Variants in RBFOX1 observed in about 807,000 individuals in gnomAD.
The protein encoded by RBFOX1 is RNA binding protein fox-1 homolog 1.
Under a neutral mutation model 57.7 loss-of-function variants are expected in RBFOX1, and 8 were observed. That is an observed-to-expected ratio of 0.14 (90% CI 0.08 to 0.25). RBFOX1 has a LOEUF of 0.25. Ranked by LOEUF, RBFOX1 falls within the 10% of genes least tolerant of loss-of-function variation. RBFOX1 has a pLI of 1.00. For missense variants in RBFOX1, 611 were observed against 548.5 expected (o/e 1.11, Z -1.14); for synonymous variants, 326 against 222.4 (o/e 1.47, Z -4.15).
chr16:7,044,139 A>G (rs1238230545), intron 3 of RBFOX1, among the ~76,000 whole-genome samples: 2 of 152,130 alleles, frequency 1.3e-5, no homozygotes, highest in African/African-American at 4.8e-5. Context: ...AGTGTCTGAC[A>G]TCCAGAAGGT....
At chr16:7,222,241 G>C (rs1603345070) in intron 4 of RBFOX1, among the ~76,000 whole-genome samples, 1 of 152,184 alleles carries the variant, frequency 6.6e-6, no homozygotes, top group South Asian at 2.1e-4. Flanking sequence ...CTTTGCTCTT[G>C]TTTACTTTAC....
intron 4 of RBFOX1, among the ~76,000 whole-genome samples, chr16:7,197,436 A>G (rs1163677139): frequency 7.8e-5 from 9 of 115,182 alleles, no homozygotes; most frequent in Non-Finnish European, 1.4e-4. Context: ...AAAACCTGTG[A>G]GTGGAAAAAA....
At chr16:6,780,445 T>C (rs1203128815) in intron 3 of RBFOX1, among the ~76,000 whole-genome samples, 3 of 113,254 alleles carry the variant, frequency 2.6e-5, no homozygotes, top group African/African-American at 1.1e-4. Flanking sequence ...GATATATTTA[T>C]ATATACATTT....
intron 3 of RBFOX1, chr16:6,704,016 C>A (rs1257576587): frequency 1.3e-5 from 2 of 152,450 alleles, no homozygotes; most frequent in East Asian, 3.9e-4. Flanking sequence ...CCTCTGACTT[C>A]TACTTCCTTG....
Position 6,273,202 on chromosome 16 carries a change from T to G in RBFOX1, c.-126-43793T>G. Reference sequence around the variant, plus strand: ...TTGAACCTGGAGGCAGAGGTTGCAGTGAGCCATGATCATGCCACTGTACTC... The same window carrying G: ...TTGAACCTGGAGGCAGAGGTTGCAGGGAGCCATGATCATGCCACTGTACTC... On this transcript the variant is annotated intron_variant, in intron 1 of 15. Coordinates refer to ENST00000550418, the MANE Select transcript of RBFOX1 (RefSeq NM_018723.4). 1.3e-5 allele frequency among the ~76,000 whole-genome samples: 2 copies of G among 151,090 alleles called. 1 individual carries two copies. Among genetic ancestry groups the G allele is most frequent in the East Asian group, 4.0e-4 (2 of 4,968 alleles).
chr16:5,561,116 A>G (rs1301240843), intron 2 of RBFOX1, among the ~76,000 whole-genome samples: 1 of 152,180 alleles, frequency 6.6e-6, no homozygotes, highest in Non-Finnish European at 1.5e-5. Context: ...CACTGTGACT[A>G]TGTCCATCCT....
chr16:5,429,460 G>C (rs919735874), intron 1 of RBFOX1, among the ~76,000 whole-genome samples: 1 of 152,166 alleles, frequency 6.6e-6, no homozygotes, highest in Admixed American at 6.6e-5. Flanking sequence ...AAATGGCAAG[G>C]CTCCTTGGTC....
chr16:6,212,953 C>A lies in RBFOX1; in HGVS notation c.-126-104042C>A, dbSNP rs1030617835. ...AGTCGTTTTACATAAAGAGGCAGAC[C>A]TGAACGGCCTTTTCCCTTAATAAGT... On this transcript the variant is annotated intron_variant, in intron 1 of 15. Coordinates refer to ENST00000550418, the MANE Select transcript of RBFOX1 (RefSeq NM_018723.4). 3.3e-5 allele frequency among the ~76,000 whole-genome samples: 5 copies of A among 152,228 alleles called. No homozygotes were observed. The South Asian group carries it at 1.0e-3, about 32-fold the overall frequency.
Position 5,747,664 on chromosome 16 carries a change from C to T in RBFOX1, c.319-119639C>T, listed in dbSNP as rs77959205. ...TCTTCTAGATTTTCTAGTTTTTTTGCGTAGAGGTGTTTATACTATTCTTTG... is the reference window on the plus strand; with the variant it reads ...TCTTCTAGATTTTCTAGTTTTTTTGTGTAGAGGTGTTTATACTATTCTTTG... On this transcript the variant is annotated intron_variant, in intron 3 of 19. Coordinates refer to the RBFOX1 transcript ENST00000641259. 7.2e-4 allele frequency among the ~76,000 whole-genome samples: 110 copies of T among 151,904 alleles called. 1 individual carries two copies. In the East Asian group the frequency reaches 0.012, roughly 17 times the overall value.
intron 1 of RBFOX1, among the ~76,000 whole-genome samples, chr16:5,388,167 A>G (rs1211634579): frequency 6.6e-6 from 1 of 152,132 alleles, no homozygotes; most frequent in Non-Finnish European, 1.5e-5. Flanking sequence ...TTAAGCCACT[A>G]ATTTGCATGA....
chr16:6,396,747 A>G (rs540306858), intron 2 of RBFOX1, among the ~76,000 whole-genome samples: 1 of 151,702 alleles, frequency 6.6e-6, no homozygotes, highest in South Asian at 2.1e-4. Context: ...GTGTGAAGAA[A>G]CAGAGAAACA....
chr16:5,681,928 A>G (rs1197358732), intron 3 of RBFOX1, among the ~76,000 whole-genome samples: 1 of 152,148 alleles, frequency 6.6e-6, no homozygotes, highest in Admixed American at 6.5e-5. Context: ...CTTGAAGACC[A>G]TTGTAAGCAG....
chr16:6,812,675 C>T (rs1049803065), intron 3 of RBFOX1, among the ~76,000 whole-genome samples: 4 of 152,168 alleles, frequency 2.6e-5, no homozygotes, highest in African/African-American at 9.7e-5. Flanking sequence ...CCACGCCTGG[C>T]CTTGGTTCAG....
chr16:5,666,561 T>C (rs1388271031), intron 3 of RBFOX1, among the ~76,000 whole-genome samples: 1 of 152,156 alleles, frequency 6.6e-6, no homozygotes, highest in South Asian at 2.1e-4. Context: ...AGATGATATA[T>C]TAAATACGTA....
chr16:7,287,742 T>C (rs1055109408), intron 4 of RBFOX1, among the ~76,000 whole-genome samples: 10 of 152,338 alleles, frequency 6.6e-5, no homozygotes, highest in Admixed American at 2.0e-4. Context: ...TAGATCTATA[T>C]GTTTAGATTT....
chr16:6,763,278 G>T (rs1332151486), intron 3 of RBFOX1, among the ~76,000 whole-genome samples: 1 of 152,180 alleles, frequency 6.6e-6, no homozygotes, highest in Admixed American at 6.5e-5. Flanking sequence ...CCTCCTGTTA[G>T]TGAGAAGCAA....
intron 3 of RBFOX1, among the ~76,000 whole-genome samples, chr16:6,999,107 G>T (rs879373028): frequency 6.7e-6 from 1 of 150,228 alleles, no homozygotes; most frequent in Non-Finnish European, 1.5e-5. Context: ...GACTTCAGGT[G>T]ATCCGCCCGC....
At position 7,444,541 on chromosome 16, in the gene RBFOX1, CT is replaced by C. The variant is rs1001607640; in HGVS notation, c.28-73597del. Among the ~76,000 whole-genome samples the C allele has an allele frequency of 1.7e-4, 26 of 150,838 alleles. No individual in the cohort carries two copies. In the Middle Eastern group the frequency reaches 0.017, roughly 99 times the overall value. On this transcript the variant is annotated intron_variant, in intron 4 of 15. Coordinates refer to ENST00000550418, the MANE Select transcript of RBFOX1 (RefSeq NM_018723.4). ...CTGGGTTCTGATTGGCTTGGGTAGC[CT>C]TTTTTTTTGAGACAGGGTTTTGCTG...
At chr16:7,112,258 A>G (rs146984873) in intron 4 of RBFOX1, among the ~76,000 whole-genome samples, 2,437 of 152,212 alleles carry the variant, frequency 0.016, 75 homozygotes, top group African/African-American at 0.055. Flanking sequence ...GCTGGAGTGC[A>G]GTGGTGCAAT....
Sources: gnomAD v4.1 joint callset for allele counts (sites outside exome capture counted in the v4.1 genomes callset) on GRCh38, gnomAD v4.1.1 for gene constraint, MANE v1.5 for transcripts, NCBI Gene and HGNC (gene_info 2026-07-23, HGNC 2026-07-21) for gene names.